RUNX2: variants seen among roughly 807,000 people sequenced by gnomAD.
RUNX2 encodes the protein RUNX family transcription factor 2.
A neutral mutation model predicts 51.7 loss-of-function variants in RUNX2; 10 were observed. That is an observed-to-expected ratio of 0.19 (90% CI 0.12 to 0.33). The LOEUF is 0.33. Ranked by LOEUF, RUNX2 falls within the 10% of genes least tolerant of loss-of-function variation. RUNX2 has a pLI of 1.00. For missense variants in RUNX2, 562 were observed against 691.3 expected, an observed-to-expected ratio of 0.81 and a Z score of 2.10; for synonymous variants, 276 against 273.6, an observed-to-expected ratio of 1.01 and a Z score of -0.09.
Position 45,357,403 on chromosome 6 carries a change from T to A in RUNX2, c.58+28619T>A, listed in dbSNP as rs536088397. 5.3e-5 allele frequency among the ~76,000 whole-genome samples: 8 copies of A among 152,230 alleles called. No homozygotes were observed. In the South Asian group the frequency reaches 1.7e-3, roughly 32 times the overall value. On this transcript the variant is annotated intron_variant, in intron 2 of 8. Coordinates refer to ENST00000647337, the MANE Select transcript of RUNX2 (RefSeq NM_001024630.4). ...TGGAGAACAGTGGCAGGATCATGGT[T>A]CACTGCAGCCGTAACCTCCTAGGTG...
chr6:45,410,104 G>C (rs1797917817), intron 2 of RUNX2, among the ~76,000 whole-genome samples: 1 of 152,200 alleles, frequency 6.6e-6, no homozygotes, highest in African/African-American at 2.4e-5. Flanking sequence ...GTGATAACTT[G>C]GGAAGGCCAG....
intron 5 of RUNX2, among the ~76,000 whole-genome samples, chr6:45,486,462 C>T (rs1348425887): frequency 6.6e-6 from 1 of 152,120 alleles, no homozygotes; most frequent in African/African-American, 2.4e-5. Flanking sequence ...TTCTTTTAAA[C>T]TTTATTTTAT....
intron 5 of RUNX2, among the ~76,000 whole-genome samples, chr6:45,460,018 G>A (rs1208525891): frequency 6.6e-6 from 1 of 152,216 alleles, no homozygotes; most frequent in Non-Finnish European, 1.5e-5. Flanking sequence ...GGTATGACAT[G>A]AGGCCACAGA....
intron 5 of RUNX2, among the ~76,000 whole-genome samples, chr6:45,476,876 A>T (rs1799969917): frequency 6.6e-6 from 1 of 152,176 alleles, no homozygotes; most frequent in South Asian, 2.1e-4. Context: ...TTATGCAAGG[A>T]TGTACAGGAA....
chr6:45,357,167 T>C (rs761234255), intron 2 of RUNX2, among the ~76,000 whole-genome samples: 1 of 151,860 alleles, frequency 6.6e-6, no homozygotes, highest in Non-Finnish European at 1.5e-5. Context: ...CCACCAAGCC[T>C]GGCTAATTTT....
chr6:45,505,535 G>C (rs1180515513), intron 6 of RUNX2, among the ~76,000 whole-genome samples: 1 of 151,834 alleles, frequency 6.6e-6, no homozygotes, highest in Non-Finnish European at 1.5e-5. Context: ...CCCCCTTTTT[G>C]TTCCCCATAC....
At chr6:45,433,909 G>A (rs1476281788) in intron 4 of RUNX2, among the ~76,000 whole-genome samples, 2 of 152,140 alleles carry the variant, frequency 1.3e-5, no homozygotes, top group Admixed American at 1.3e-4. Context: ...TATTTCTTAT[G>A]ATCTTAACTG....
chr6:45,329,663 T>C (rs1289341457), intron 2 of RUNX2, among the ~76,000 whole-genome samples: 1 of 151,952 alleles, frequency 6.6e-6, no homozygotes, highest in Non-Finnish European at 1.5e-5. Flanking sequence ...AAGGATACCC[T>C]GTATGATTTT....
chr6:45,365,994 T>C (rs138361696), intron 2 of RUNX2, among the ~76,000 whole-genome samples: 1,724 of 152,246 alleles, frequency 0.011, 15 homozygotes, highest in Non-Finnish European at 0.019. Flanking sequence ...TCCTAATGTA[T>C]GACATTTTAT....
chr6:45,347,833 C>G (rs1371160554), intron 2 of RUNX2, among the ~76,000 whole-genome samples: 2 of 151,308 alleles, frequency 1.3e-5, no homozygotes, highest in Non-Finnish European at 2.9e-5. Flanking sequence ...ATTCTGTATT[C>G]ACATTGTAAT....
At chr6:45,415,749 TC>T (rs1420925420) in intron 2 of RUNX2, among the ~76,000 whole-genome samples, 1 of 151,848 alleles carries the variant, frequency 6.6e-6, no homozygotes, top group Non-Finnish European at 1.5e-5. Context: ...CTTTCTAACG[TC>T]CCCACCGACA....
intron 2 of RUNX2, among the ~76,000 whole-genome samples, chr6:45,404,106 A>T (rs1797778528): frequency 6.6e-6 from 1 of 151,834 alleles, no homozygotes. Flanking sequence ...CTAAAAATAC[A>T]AAAATTAGCC....
At chr6:45,359,373 A>G (rs934715148) in intron 2 of RUNX2, among the ~76,000 whole-genome samples, 13 of 152,146 alleles carry the variant, frequency 8.5e-5, no homozygotes, top group Admixed American at 8.5e-4. Flanking sequence ...TCTCACTTAC[A>G]TTACAATTTG....
chr6:45,547,158 C>T lies in RUNX2; in HGVS notation c.1419C>T (p.Cys473=), dbSNP rs2150454237. 6.2e-7 allele frequency: 1 copy of T among 1,614,166 alleles called. No homozygotes were observed. The highest frequency in any genetic ancestry group is 8.5e-7 in the Non-Finnish European group (1 of 1,180,040). ...CTCCTTCCAGAATGCTTCCGCCATGCACCACCACCTCGAATGGCAGCACGC... is the reference window on the plus strand; with the variant it reads ...CTCCTTCCAGAATGCTTCCGCCATGTACCACCACCTCGAATGGCAGCACGC... The part of the protein sequence containing the change: ...DRSPSRMLPP[C]TTTSNGSTLL... Residue 473 remains cysteine, a synonymous_variant, in exon 9 of 9, where the codon TGC becomes TGT. Transcript: ENST00000647337.
intron 5 of RUNX2, among the ~76,000 whole-genome samples, chr6:45,480,469 T>C (rs1427525238): frequency 2.0e-5 from 3 of 152,050 alleles, no homozygotes; most frequent in Non-Finnish European, 4.4e-5. Context: ...TTTAATGTCG[T>C]AAAACAGACT....
intron 2 of RUNX2, chr6:45,422,247 A>C (rs939259947): frequency 1.8e-5 from 5 of 278,110 alleles, no homozygotes; most frequent in Non-Finnish European, 3.4e-5. Context: ...TCCAAGCTGC[A>C]AACTCAAGTC....
At chr6:45,421,152 T>A (rs1203886403) in intron 2 of RUNX2, 1 of 152,158 alleles carries the variant, frequency 6.6e-6, no homozygotes, top group East Asian at 1.9e-4. Flanking sequence ...AACTTAGTCT[T>A]AGATGTAGAA....
intron 2 of RUNX2, 64 bp from the exon 3 acceptor site, chr6:45,422,522 CATTTCCA>C: frequency 7.8e-7 from 1 of 1,278,740 alleles, no homozygotes; most frequent in African/African-American, 1.6e-5. Context: ...CCTTGCCCCT[CATTTCCA>C]CCCTCCTCCC....
chr6:45,370,290 G>C (rs1581980497), intron 2 of RUNX2, among the ~76,000 whole-genome samples: 1 of 152,100 alleles, frequency 6.6e-6, no homozygotes, highest in Admixed American at 6.6e-5. Context: ...GATTACACGT[G>C]GGGTGTGAGA....
Sources: gnomAD v4.1 joint callset for allele counts (sites outside exome capture counted in the v4.1 genomes callset) on GRCh38, gnomAD v4.1.1 for gene constraint, MANE v1.5 for transcripts, NCBI Gene and HGNC (gene_info 2026-07-23, HGNC 2026-07-21) for gene names.